The following TBC1D10A variants were observed in gnomAD, a reference collection of about 807,000 sequenced individuals.
TBC1D10A encodes the protein EBP50-PDX interactor of 64 kDa.
A neutral mutation model predicts 52.9 loss-of-function variants in TBC1D10A; 24 were observed. That is an observed-to-expected ratio of 0.45 (90% CI 0.33 to 0.64). The LOEUF is 0.64. Ranked by LOEUF, TBC1D10A falls within the 30% of genes least tolerant of loss-of-function variation. TBC1D10A has a pLI of 0.02. For missense variants in TBC1D10A, 602 were observed against 687.9 expected (o/e 0.88, Z 1.40); for synonymous variants, 278 against 282.9 (o/e 0.98, Z 0.17).
Position 30,299,541 on chromosome 22 carries a change from C to T in TBC1D10A, c.320G>A (p.Arg107Gln), listed in dbSNP as rs374373086. Residue 107 changes from arginine (R) to glutamine (Q), a missense_variant, in exon 3 of 9, where the codon CGG becomes CAG. Physicochemically the swap from Arg to Gln is conservative, Grantham distance 43. Around this residue, in one of 3 missense-constraint regions of TBC1D10A, gnomAD observed 201 missense variants for 204.4 expected, o/e 0.98. Coordinates refer to ENST00000215790, the MANE Select transcript of TBC1D10A (RefSeq NM_031937.3). Reference protein sequence around the residue: ...MAKKHKKIRLRCQKGIPPSLR... With the variant: ...MAKKHKKIRLQCQKGIPPSLR... ...AGAAGGCGGGATGCCCTTTTGGCAC[C>T]GCAGACGAATCTGAAAATCAAAAGG... 13 of 1,614,054 alleles carry T rather than the reference C, an allele frequency of 8.1e-6. No individual in the cohort carries two copies. Among genetic ancestry groups the T allele is most frequent in the Non-Finnish European group, 1.1e-5 (13 of 1,179,946 alleles).
Position 30,326,854 on chromosome 22 carries a change from G to T in TBC1D10A, c.28C>A (p.Pro10Thr). 1 of 1,492,634 alleles carries T rather than the reference G, an allele frequency of 6.7e-7. No homozygotes were observed. The highest frequency in any genetic ancestry group is 8.9e-7 in the Non-Finnish European group (1 of 1,129,398). 92.5% of individuals were successfully genotyped at this position (1,492,634 alleles called of 1,614,324 possible). The change falls in exon 1 of 9, where the codon CCG (proline) becomes ACG (threonine). Residue 10 changes from proline (P) to threonine (T), a missense_variant. Physicochemically the swap from Pro to Thr is conservative, Grantham distance 38 (BLOSUM62 -1). Transcript: ENST00000215790. Reference protein sequence around the residue: MAKSNGENGPRAPAAGESLS... With the variant: MAKSNGENGTRAPAAGESLS... The stretch of plus-strand genomic sequence containing the variant: ...CTTTCCCCGGCCGCGGGCGCGCGCG[G>T]CCCATTCTCTCCGTTGCTCTTCGCC...
chr22:30,305,927 C>T (rs1171185810), intron 1 of TBC1D10A, among the ~76,000 whole-genome samples: 2 of 152,214 alleles, frequency 1.3e-5, no homozygotes, highest in African/African-American at 4.8e-5. Flanking sequence ...CCTCTCACCA[C>T]CTAAAGGCAG....
rs1428850949 is a variant in TBC1D10A, at chr22:30,326,825, C to G, written c.57G>C (p.Leu19=). The G allele has an allele frequency of 6.8e-7, 1 of 1,472,220 alleles. No homozygotes were observed. The allele number at this position is 1,472,220 out of a possible 1,614,324, so 91.2% of individuals were successfully genotyped here. ...GPRAPAAGES[L]SGTRESLAQG... is the part of the protein sequence containing the mutation. ...GGGCCAGGCTCTCCCGGGTTCCCGA[C>G]AGGCTTTCCCCGGCCGCGGGCGCGC... The change falls in exon 1 of 9, where the codon CTG becomes CTC. Residue 19 remains leucine (L), a synonymous_variant. Coordinates refer to ENST00000215790, the MANE Select transcript of TBC1D10A (RefSeq NM_031937.3).
At chr22:30,309,434 C>A (rs1930382687) in intron 1 of TBC1D10A, among the ~76,000 whole-genome samples, 1 of 152,142 alleles carries the variant, frequency 6.6e-6, no homozygotes. Flanking sequence ...CCATGTTGGC[C>A]AGGATGGTCT....
intron 1 of TBC1D10A, among the ~76,000 whole-genome samples, chr22:30,320,547 G>C (rs1930631196): frequency 6.6e-6 from 1 of 152,122 alleles, no homozygotes; most frequent in Non-Finnish European, 1.5e-5. Context: ...CAAACCTTGG[G>C]CACTTTTTCC....
intron 1 of TBC1D10A, among the ~76,000 whole-genome samples, chr22:30,310,599 T>C (rs1364957763): frequency 6.6e-6 from 1 of 152,162 alleles, no homozygotes; most frequent in South Asian, 2.1e-4. Context: ...TCAGAGAACA[T>C]TGGTAAACAT....
chr22:30,318,293 G>C (rs1930579107), intron 1 of TBC1D10A, among the ~76,000 whole-genome samples: 1 of 152,154 alleles, frequency 6.6e-6, no homozygotes, highest in Non-Finnish European at 1.5e-5. Flanking sequence ...CCCTAAGGTA[G>C]GTTTTCCATG....
At chr22:30,308,680 C>T (rs1445362861) in intron 1 of TBC1D10A, among the ~76,000 whole-genome samples, 1 of 152,148 alleles carries the variant, frequency 6.6e-6, no homozygotes, top group East Asian at 1.9e-4. Context: ...ACTGTCCCTC[C>T]CCAGCTGGAC....
intron 1 of TBC1D10A, among the ~76,000 whole-genome samples, chr22:30,309,870 A>C (rs999158177): frequency 6.6e-6 from 1 of 152,202 alleles, no homozygotes; most frequent in Admixed American, 6.5e-5. Flanking sequence ...ACCTCTGGCT[A>C]GGCAGGTTCA....
chr22:30,325,504 G>GCCCAT (rs1930748887), intron 1 of TBC1D10A, among the ~76,000 whole-genome samples: 1 of 152,212 alleles, frequency 6.6e-6, no homozygotes, highest in Non-Finnish European at 1.5e-5. Context: ...GGGATGGAAA[G>GCCCAT]CACACATCAG....
At chr22:30,317,103 G>A (rs115243956) in intron 1 of TBC1D10A, among the ~76,000 whole-genome samples, 2,667 of 152,092 alleles carry the variant, frequency 0.018, 84 homozygotes, top group African/African-American at 0.061. Flanking sequence ...GGAAAACCGA[G>A]GTTAAAAAGA....
intron 6 of TBC1D10A, 137 bp downstream of exon 6, chr22:30,294,659 G>A (rs952782038): frequency 3.8e-6 from 4 of 1,055,552 alleles, no homozygotes; most frequent in Admixed American, 2.1e-5. Flanking sequence ...ACCCTGGCAG[G>A]CCTTGGGACT....
At chr22:30,295,265 C>T (rs1365679915) in intron 4 of TBC1D10A, among the ~76,000 whole-genome samples, 1 of 152,188 alleles carries the variant, frequency 6.6e-6, no homozygotes, top group Non-Finnish European at 1.5e-5. Flanking sequence ...AGGTCTCCCC[C>T]ATGACAGGGG....
chr22:30,295,934 C>G, intron 3 of TBC1D10A, 91 bp from the exon 4 acceptor site: 1 of 1,189,304 alleles, frequency 8.4e-7, no homozygotes, highest in South Asian at 1.4e-5. Context: ...GGGAGGGGGC[C>G]CTCCACCAGG....
At chr22:30,317,130 C>T (rs1601679897) in intron 1 of TBC1D10A, among the ~76,000 whole-genome samples, 3 of 151,938 alleles carry the variant, frequency 2.0e-5, no homozygotes, top group South Asian at 2.1e-4. Flanking sequence ...AACTTTTGAC[C>T]GGCATGGTGG....
At chr22:30,321,968 C>T (rs1747449237) in intron 1 of TBC1D10A, among the ~76,000 whole-genome samples, 1 of 151,358 alleles carries the variant, frequency 6.6e-6, no homozygotes, top group Non-Finnish European at 1.5e-5. Flanking sequence ...TTTTCCTCAA[C>T]TGGTCCTGGG....
At position 30,292,366 on chromosome 22, in the gene TBC1D10A, C is replaced by G. The variant is rs761790745; in HGVS notation, c.*9G>C. On this transcript the variant is annotated 3_prime_UTR_variant, in exon 9 of 9. Transcript: ENST00000215790. ...GGAGACCCCGCCCTGGAGGCCTTAG[C>G]TGCCAGGGTTACAAGTAGGTGTCCT... 80 of 1,528,348 alleles carry G rather than the reference C, an allele frequency of 5.2e-5. No individual in the cohort carries two copies. The highest frequency in any genetic ancestry group is 6.9e-5 in the Non-Finnish European group (78 of 1,137,844). 94.7% of individuals were successfully genotyped at this position (1,528,348 alleles called of 1,614,324 possible).
At position 30,326,860 on chromosome 22, in the gene TBC1D10A, T is replaced by C; in HGVS notation, c.22A>G (p.Asn8Asp). ...CCGGCCGCGGGCGCGCGCGGCCCAT[T>C]CTCTCCGTTGCTCTTCGCCATCCCA... MAKSNGE[N>D]GPRAPAAGES... Residue 8 changes from asparagine (N) to aspartate (D), a missense_variant, in exon 1 of 9, where the codon AAT (asparagine) becomes GAT (aspartate). Transcript: ENST00000215790. 1 of 1,507,006 alleles carries C rather than the reference T, an allele frequency of 6.6e-7. No individual in the cohort carries two copies. Among genetic ancestry groups the C allele is most frequent in the South Asian group, 1.2e-5 (1 of 80,958 alleles). The allele number at this position is 1,507,006 out of a possible 1,614,324, so 93.4% of individuals were successfully genotyped here.
chr22:30,292,204 C>T lies in TBC1D10A; in HGVS notation c.*171G>A. 3.5e-6 allele frequency: 2 copies of T among 574,444 alleles called. No individual in the cohort carries two copies. Among genetic ancestry groups the T allele is most frequent in the Non-Finnish European group, 5.9e-6 (2 of 341,320 alleles). The allele number at this position is 574,444 out of a possible 1,614,324, so 35.6% of individuals were successfully genotyped here. ...TGTAAAGAAAATAAATAAGGAGGCT[C>T]AGGCAGAATCTGTGTTGGACCAGGC... is the stretch of plus-strand genomic sequence containing the variant. On this transcript the variant is annotated 3_prime_UTR_variant, in exon 9 of 9. Transcript: ENST00000215790.
Sources: gnomAD v4.1 joint callset for allele counts (sites outside exome capture counted in the v4.1 genomes callset) on GRCh38, gnomAD v4.1.1 for gene constraint, gnomAD v4.1.1 regional missense constraint, MANE v1.5 for transcripts, NCBI Gene and HGNC (gene_info 2026-07-23, HGNC 2026-07-21) for gene names.